The following LYRM4 variants were observed in gnomAD, a reference collection of about 807,000 sequenced individuals.
LYRM4 encodes the protein LYR motif-containing protein 4.
A neutral mutation model predicts 11.7 loss-of-function variants in LYRM4; 9 were observed. The ratio of observed to expected loss-of-function variants is 0.77; its 90% CI spans 0.46 to 1.34. The LOEUF is 1.34. LYRM4 is among the 40% of genes most tolerant of loss of function. The pLI is 0.00. For synonymous variants in LYRM4, 42 were observed against 40.4 expected, an observed-to-expected ratio of 1.04 and a Z score of -0.15; for missense variants, 133 against 112.5, an observed-to-expected ratio of 1.18 and a Z score of -0.82.
chr6:5,098,846 G>T (rs1581265270), downstream of LYRM4, among the ~76,000 whole-genome samples: 1 of 152,204 alleles, frequency 6.6e-6, no homozygotes, highest in African/African-American at 2.4e-5. Context: ...CTCATAGGAT[G>T]TGATGCCACT....
intron 1 of LYRM4, among the ~76,000 whole-genome samples, chr6:5,227,684 C>T (rs1030268267): frequency 1.3e-5 from 2 of 151,648 alleles, no homozygotes; most frequent in African/African-American, 4.9e-5. Context: ...CACATGCACA[C>T]GTATGTTTAC....
chr6:5,079,277 T>G, the LYRM4 span, among the ~76,000 whole-genome samples: 1 of 152,220 alleles, frequency 6.6e-6, no homozygotes, highest in Admixed American at 6.5e-5. Flanking sequence ...TGGAGGAAAC[T>G]AATGAAAGAC....
chr6:5,113,735 C>CTT (rs10708540), intron 2 of LYRM4, among the ~76,000 whole-genome samples: 1 of 147,848 alleles, frequency 6.8e-6, no homozygotes, highest in African/African-American at 2.5e-5. Context: ...TTCTCTCTCT[C>CTT]TTTTTTTTTT....
At chr6:5,055,796 GT>G in the LYRM4 span, among the ~76,000 whole-genome samples, 2 of 152,278 alleles carry the variant, frequency 1.3e-5, no homozygotes, top group East Asian at 3.9e-4. The surrounding 1 kb of genome is among the most constrained non-coding windows in gnomAD (Gnocchi z 4.5). Flanking sequence ...CTTCCCTTCA[GT>G]GGGGCTTGAG....
the LYRM4 span, among the ~76,000 whole-genome samples, chr6:5,075,461 T>C: frequency 6.6e-6 from 1 of 152,176 alleles, no homozygotes; most frequent in African/African-American, 2.4e-5. Flanking sequence ...GGGTGAGGAA[T>C]TCACACTATA....
At chr6:5,092,527 T>C in the LYRM4 span, among the ~76,000 whole-genome samples, 1 of 149,908 alleles carries the variant, frequency 6.7e-6, no homozygotes, top group South Asian at 2.1e-4. Context: ...TTGGCCAATA[T>C]GGTGAAACCC....
At chr6:5,099,206 A>AT (rs55959342), downstream of LYRM4, among the ~76,000 whole-genome samples, 90,535 of 146,138 alleles carry the variant, frequency 0.62, 28,601 homozygotes, top group East Asian at 0.81. This position sits in a 1 kb window ranked among gnomAD's most constrained non-coding sequence, Gnocchi z 4.3. Flanking sequence ...TACTTATATA[A>AT]TTTTTTTTTT....
chr6:5,234,613 G>A (rs1045700997), intron 1 of LYRM4, among the ~76,000 whole-genome samples: 14 of 152,140 alleles, frequency 9.2e-5, no homozygotes, highest in East Asian at 5.8e-4. Context: ...TTTCTGCAAC[G>A]GCAGGCTAAT....
At chr6:5,054,913 C>T in the LYRM4 span, among the ~76,000 whole-genome samples, 1 of 152,152 alleles carries the variant, frequency 6.6e-6, no homozygotes, top group Admixed American at 6.5e-5. Context: ...TTTGAAATGA[C>T]CCTGAAAACC....
the LYRM4 span, among the ~76,000 whole-genome samples, chr6:5,080,953 C>T: frequency 6.6e-6 from 1 of 152,106 alleles, no homozygotes. Flanking sequence ...GCCCAATCTA[C>T]AGATTAATAA....
intron 2 of LYRM4, among the ~76,000 whole-genome samples, chr6:5,118,117 T>TTTGC (rs145676734): frequency 2.4e-5 from 1 of 42,378 alleles, no homozygotes; most frequent in African/African-American, 6.9e-5. Flanking sequence ...TTTGTTTTGT[T>TTTGC]TTTTTTTTTG....
At chr6:5,194,079 G>A (rs1212417036) in intron 2 of LYRM4, among the ~76,000 whole-genome samples, 1 of 117,640 alleles carries the variant, frequency 8.5e-6, no homozygotes, top group African/African-American at 3.2e-5. Context: ...GTGGGGGGGT[G>A]GGGGGTGGGG....
intron 1 of LYRM4, among the ~76,000 whole-genome samples, chr6:5,241,223 T>C: frequency 6.6e-6 from 1 of 152,196 alleles, no homozygotes; most frequent in African/African-American, 2.4e-5. Context: ...ATTTGTAAAA[T>C]GAAGTAAGAA....
chr6:5,142,251 T>C (rs962467877), intron 2 of LYRM4, among the ~76,000 whole-genome samples: 1 of 152,144 alleles, frequency 6.6e-6, no homozygotes, highest in Admixed American at 6.5e-5. Context: ...CTGCTGGGAC[T>C]CTTGCCTTTG....
At chr6:5,253,545 G>C (rs1448345088) in intron 1 of LYRM4, among the ~76,000 whole-genome samples, 1 of 152,082 alleles carries the variant, frequency 6.6e-6, no homozygotes, top group African/African-American at 2.4e-5. Context: ...TCAAAAAGCT[G>C]CAGCGACAAC....
At position 5,200,449 on chromosome 6, in the gene LYRM4, C is replaced by G. The variant is rs189988209; in HGVS notation, c.207+16169G>C. The stretch of plus-strand genomic sequence containing the variant: ...TGCACTCTACTCCACCGGGTGGAAG[C>G]ACATGAAATTTTCAGTTGCAGTAAA... On this transcript the variant is annotated intron_variant, in intron 2 of 2. Coordinates refer to ENST00000330636, the MANE Select transcript of LYRM4 (RefSeq NM_020408.6). 7.9e-5 allele frequency among the ~76,000 whole-genome samples: 12 copies of G among 152,252 alleles called. No individual in the cohort carries two copies. In the East Asian group the frequency reaches 2.1e-3, roughly 27 times the overall value.
chr6:5,121,210 G>A (rs535340197), intron 2 of LYRM4, among the ~76,000 whole-genome samples: 1 of 152,286 alleles, frequency 6.6e-6, no homozygotes, highest in East Asian at 1.9e-4. Flanking sequence ...TAGGGCCATG[G>A]ACTACAAAAC....
At chr6:5,109,930 C>T (rs1762803570) in intron 2 of LYRM4, among the ~76,000 whole-genome samples, 1 of 150,008 alleles carries the variant, frequency 6.7e-6, no homozygotes, top group Non-Finnish European at 1.5e-5. Flanking sequence ...GCGCTGCATT[C>T]AGGGCAATGC....
At chr6:5,032,815 G>A in the LYRM4 span, 1 of 152,130 alleles carries the variant, frequency 6.6e-6, no homozygotes, top group African/African-American at 2.4e-5. Flanking sequence ...AATGTGCTGT[G>A]GCTTCCAGTC....
Sources: gnomAD v4.1 joint callset for allele counts (sites outside exome capture counted in the v4.1 genomes callset) on GRCh38, gnomAD v4.1.1 for gene constraint, Gnocchi (gnomAD v3.1) non-coding constraint, MANE v1.5 for transcripts, NCBI Gene and HGNC (gene_info 2026-07-23, HGNC 2026-07-21) for gene names.